PTPRD: variants seen among roughly 807,000 people sequenced by gnomAD.
PTPRD encodes protein tyrosine phosphatase receptor type D.
A neutral mutation model predicts 214.5 loss-of-function variants in PTPRD; 34 were observed. That is an observed-to-expected ratio of 0.16 (90% CI 0.12 to 0.21). The LOEUF (loss-of-function observed/expected upper bound fraction) is 0.21, where lower values mean the gene tolerates loss of function less well. Ranked by LOEUF, PTPRD falls within the 10% of genes least tolerant of loss-of-function variation. PTPRD has a pLI of 1.00. For synonymous variants in PTPRD, 1,128 were observed against 845.7 expected (o/e 1.33, Z -5.79); for missense variants, 2,545 against 2,398.7 (o/e 1.06, Z -1.27).
chr9:8,803,115 C>A (rs1039598286), intron 11 of PTPRD, among the ~76,000 whole-genome samples: 1 of 151,886 alleles, frequency 6.6e-6, no homozygotes, highest in South Asian at 2.1e-4. Context: ...CCTCCTAGGG[C>A]GGTTAAAAGA....
chr9:9,403,290 C>CAAAAAAAAAAAAA (rs56105335), intron 8 of PTPRD, among the ~76,000 whole-genome samples: 2 of 60,648 alleles, frequency 3.3e-5, no homozygotes, highest in African/African-American at 7.4e-5. Flanking sequence ...TACTCTGTCT[C>CAAAAAAAAAAAAA]AAAAAAAAAA....
intron 3 of PTPRD, among the ~76,000 whole-genome samples, chr9:10,232,832 C>A (rs1157029467): frequency 6.6e-6 from 1 of 152,036 alleles, no homozygotes; most frequent in African/African-American, 2.4e-5. Context: ...ACAGGGCCAA[C>A]CTTTTCCATT....
chr9:9,098,908 T>A (rs1216316674), intron 10 of PTPRD, among the ~76,000 whole-genome samples: 2 of 152,156 alleles, frequency 1.3e-5, no homozygotes, highest in East Asian at 3.9e-4. Context: ...AAAACAACTG[T>A]GATATCTCTA....
At chr9:9,060,092 C>T (rs2099704331) in intron 10 of PTPRD, among the ~76,000 whole-genome samples, 1 of 152,118 alleles carries the variant, frequency 6.6e-6, no homozygotes, top group African/African-American at 2.4e-5. Flanking sequence ...CTAAGAATAG[C>T]TAAACTATTC....
At chr9:8,480,196 G>C (rs886436373) in intron 30 of PTPRD, among the ~76,000 whole-genome samples, 1 of 152,070 alleles carries the variant, frequency 6.6e-6, no homozygotes, top group African/African-American at 2.4e-5. Flanking sequence ...GTACAACGTG[G>C]CCAAACAACA....
intron 9 of PTPRD, among the ~76,000 whole-genome samples, chr9:9,260,522 TCTC>T (rs1280761141): frequency 6.6e-6 from 1 of 151,978 alleles, no homozygotes; most frequent in South Asian, 2.1e-4. Flanking sequence ...CTAGTTTTTC[TCTC>T]CTCCTTCCTA....
chr9:10,063,667 T>A (rs2097822047), intron 3 of PTPRD, among the ~76,000 whole-genome samples: 1 of 151,966 alleles, frequency 6.6e-6, no homozygotes, highest in Admixed American at 6.6e-5. Context: ...ATATACACAA[T>A]TTGGTAAATT....
chr9:8,474,690 G>A (rs763856191), intron 30 of PTPRD, among the ~76,000 whole-genome samples: 4 of 152,010 alleles, frequency 2.6e-5, no homozygotes, highest in Non-Finnish European at 5.9e-5. Context: ...CTGAAACCCT[G>A]GACGTTCAAA....
intron 5 of PTPRD, among the ~76,000 whole-genome samples, chr9:9,772,673 T>C (rs751047286): frequency 1.3e-5 from 2 of 152,152 alleles, no homozygotes; most frequent in Non-Finnish European, 1.5e-5. Context: ...TCTGATGATA[T>C]CTGTCTATAT....
At position 9,731,073 on chromosome 9, in the gene PTPRD, A is replaced by G. The variant is rs976937470; in HGVS notation, c.-287+3460T>C. On this transcript the variant is annotated intron_variant, in intron 7 of 45. Coordinates refer to ENST00000381196, the MANE Select transcript of PTPRD (RefSeq NM_002839.4). ...TAAACACATTACCTTATTTAAGTGAAAAAATGCTGCAATAAGATTTTCTGT... is the reference window on the plus strand; with the variant it reads ...TAAACACATTACCTTATTTAAGTGAGAAAATGCTGCAATAAGATTTTCTGT... Among the ~76,000 whole-genome samples, 5 of 152,292 alleles carry G rather than the reference A, an allele frequency of 3.3e-5. No homozygotes were observed. In the South Asian group the frequency reaches 6.2e-4, roughly 19 times the overall value.
chr9:8,827,334 A>T (rs986213376), intron 11 of PTPRD, among the ~76,000 whole-genome samples: 1 of 152,100 alleles, frequency 6.6e-6, no homozygotes, highest in Non-Finnish European at 1.5e-5. Flanking sequence ...AGACCAGGTG[A>T]GGTGGCTCAT....
At chr9:9,487,385 C>T (rs773755531) in intron 8 of PTPRD, among the ~76,000 whole-genome samples, 47 of 152,174 alleles carry the variant, frequency 3.1e-4, no homozygotes, top group Admixed American at 6.5e-4. Flanking sequence ...ACAAAGGACA[C>T]GAACTCATCC....
At chr9:9,218,284 C>T (rs1029263653) in intron 9 of PTPRD, among the ~76,000 whole-genome samples, 1 of 152,122 alleles carries the variant, frequency 6.6e-6, no homozygotes, top group African/African-American at 2.4e-5. Context: ...ACTCATAGAT[C>T]CGGATTAGAT....
intron 14 of PTPRD, among the ~76,000 whole-genome samples, chr9:8,581,738 C>T (rs932942324): frequency 1.3e-5 from 2 of 149,586 alleles, no homozygotes; most frequent in African/African-American, 4.9e-5. Context: ...CAGAGCGAGA[C>T]TCCATCTCTA....
chr9:9,233,972 G>C (rs1161761431), intron 9 of PTPRD, among the ~76,000 whole-genome samples: 4 of 152,156 alleles, frequency 2.6e-5, no homozygotes, highest in Admixed American at 2.6e-4. Context: ...GGGTCTGGAG[G>C]ATGATGGCCC....
intron 2 of PTPRD, among the ~76,000 whole-genome samples, chr9:10,356,572 T>C (rs934909741): frequency 6.6e-6 from 1 of 152,228 alleles, no homozygotes; most frequent in African/African-American, 2.4e-5. Flanking sequence ...ATAACTACAG[T>C]TGCAGAGATG....
At chr9:9,932,324 T>C (rs4034207) in intron 5 of PTPRD, among the ~76,000 whole-genome samples, 3,073 of 142,900 alleles carry the variant, frequency 0.022, 75 homozygotes, top group East Asian at 0.18. Context: ...AGTTGAAAAC[T>C]TTGAAAAAAA....
chr9:10,053,804 G>T (rs1391380688), intron 3 of PTPRD, among the ~76,000 whole-genome samples: 5 of 152,120 alleles, frequency 3.3e-5, no homozygotes, highest in African/African-American at 1.2e-4. Context: ...TGTAGCCCAG[G>T]CTGGAGTTAA....
intron 3 of PTPRD, among the ~76,000 whole-genome samples, chr9:10,060,551 A>G (rs2097742527): frequency 6.6e-6 from 1 of 152,030 alleles, no homozygotes; most frequent in South Asian, 2.1e-4. Context: ...ACATGACAGA[A>G]ATGTGTCAAA....
Sources: allele counts gnomAD v4.1 joint callset (sites outside exome capture counted in the v4.1 genomes callset), GRCh38; gene constraint gnomAD v4.1.1; transcripts MANE v1.5; gene names NCBI Gene and HGNC (gene_info 2026-07-23, HGNC 2026-07-21).